The following BASP1 variants were observed in gnomAD, a reference collection of about 807,000 sequenced individuals.
BASP1 encodes the protein brain acid soluble protein 1.
BASP1 carries 1 observed loss-of-function variant against 2.2 expected under a neutral mutation model. The ratio of observed to expected loss-of-function variants is 0.46; its 90% CI spans 0.16 to 2.17. The LOEUF is 2.17. Ranked by LOEUF, BASP1 falls within the 30% of genes most tolerant of loss-of-function variation. BASP1 has a pLI of 0.27. For missense variants in BASP1, 352 were observed against 327.2 expected (o/e 1.08, Z -0.58); for synonymous variants, 187 against 154.2 (o/e 1.21, Z -1.58).
intron 1 of BASP1, chr5:17,240,678 G>A (rs765280738): frequency 4.6e-5 from 7 of 152,170 alleles, no homozygotes; most frequent in Non-Finnish European, 1.0e-4. Flanking sequence ...TGCTATGCAA[G>A]AATGACAGTG....
At chr5:17,224,941 C>A (rs1326202929) in intron 1 of BASP1, among the ~76,000 whole-genome samples, 1 of 152,246 alleles carries the variant, frequency 6.6e-6, no homozygotes, top group Non-Finnish European at 1.5e-5. Flanking sequence ...ACGCAGGATC[C>A]ACTTACAGAA....
intron 1 of BASP1, among the ~76,000 whole-genome samples, chr5:17,249,088 G>C (rs145875117): frequency 1.5e-3 from 232 of 152,104 alleles, no homozygotes; most frequent in African/African-American, 5.2e-3. Context: ...TTGTATTTTG[G>C]TGGCACTATT....
In BASP1 at chr5:17,271,931, G is replaced by A. The variant is rs142470224; in HGVS notation, c.-9-3277G>A. 1.5e-3 allele frequency among the ~76,000 whole-genome samples: 228 copies of A among 152,180 alleles called. 3 individuals are homozygous for A. The East Asian group carries it at 0.028, about 18-fold the overall frequency. ...AAAATACTAAAATTAGCTGGGCATG[G>A]TGGCAGGCTCCTGTAATCTCAGCTA... On this transcript the variant is annotated intron_variant, in intron 1 of 1. Transcript: ENST00000322611.
chr5:17,231,885 G>A (rs1739638902), intron 1 of BASP1, among the ~76,000 whole-genome samples: 1 of 152,182 alleles, frequency 6.6e-6, no homozygotes, highest in South Asian at 2.1e-4. Context: ...GTTGAAGGTT[G>A]TCTACAGTAC....
intron 1 of BASP1, among the ~76,000 whole-genome samples, chr5:17,272,506 A>G (rs199843907): frequency 4.2e-5 from 2 of 47,480 alleles, no homozygotes; most frequent in Non-Finnish European, 1.0e-4. Flanking sequence ...TTTATGTAAT[A>G]TATTTATGAG....
At chr5:17,267,197 G>T (rs1038788856) in intron 1 of BASP1, among the ~76,000 whole-genome samples, 1 of 152,200 alleles carries the variant, frequency 6.6e-6, no homozygotes, top group Non-Finnish European at 1.5e-5. Context: ...CAAAGAGATT[G>T]GGTCTTGCAA....
intron 1 of BASP1, among the ~76,000 whole-genome samples, chr5:17,248,808 T>C (rs1029754441): frequency 6.6e-6 from 1 of 152,212 alleles, no homozygotes; most frequent in Admixed American, 6.5e-5. Context: ...ACTGCAGTTG[T>C]GCTTGTTGAT....
rs70943882 is a variant in BASP1 at position 17,266,814 on chromosome 5, C to CAAAAA, written c.-9-8373_-9-8369dup. ...GCGACAGAGCAGCAAGATCCTGTCT[C>CAAAAA]AAAAAAAAAAAAAAAAAAAAAAAAA... On this transcript the variant is annotated intron_variant, in intron 1 of 1. Transcript: ENST00000322611. Among the ~76,000 whole-genome samples, 937 of 111,362 alleles carry CAAAAA rather than the reference C, an allele frequency of 8.4e-3. 35 individuals are homozygous for CAAAAA. The highest frequency in any genetic ancestry group is 0.033 in the African/African-American group (856 of 26,160). The allele number at this position is 111,362 out of a possible 152,430, so 73.1% of individuals were successfully genotyped here.
intron 1 of BASP1, among the ~76,000 whole-genome samples, chr5:17,263,113 C>T (rs1317161379): frequency 6.6e-6 from 1 of 152,216 alleles, no homozygotes; most frequent in Non-Finnish European, 1.5e-5. Flanking sequence ...TCTCAAAGTG[C>T]TGGGATTACA....
rs904709933 is a variant in BASP1 at position 17,251,285 on chromosome 5, G to A, written c.-9-23923G>A. Among the ~76,000 whole-genome samples the A allele has an allele frequency of 1.3e-5, 2 of 151,936 alleles. No individual in the cohort carries two copies. Among genetic ancestry groups the A allele is most frequent in the Admixed American group, 6.6e-5 (1 of 15,248 alleles). ...GTATACAAGTATCAAAATATCACAT[G>A]TACCCCCAAAATACATAAAATGGTT... On this transcript the variant is annotated intron_variant, in intron 1 of 1. Coordinates refer to ENST00000322611, the MANE Select transcript of BASP1 (RefSeq NM_006317.5). The surrounding 1 kb of genome is among the most constrained non-coding windows in gnomAD (Gnocchi z 4.0).
chr5:17,234,669 G>A (rs558510830), intron 1 of BASP1, among the ~76,000 whole-genome samples: 26 of 152,286 alleles, frequency 1.7e-4, no homozygotes, highest in African/African-American at 3.1e-4. Flanking sequence ...GTTGGGAGAC[G>A]CATCTCCTTT....
intron 1 of BASP1, among the ~76,000 whole-genome samples, chr5:17,268,845 G>A (rs1293951265): frequency 6.6e-6 from 1 of 152,080 alleles, no homozygotes; most frequent in Non-Finnish European, 1.5e-5. Flanking sequence ...GAGTTTACTG[G>A]TTTTTCTTTT....
intron 1 of BASP1, among the ~76,000 whole-genome samples, chr5:17,254,508 C>G (rs759672388): frequency 6.6e-6 from 1 of 152,154 alleles, no homozygotes; most frequent in Non-Finnish European, 1.5e-5. Flanking sequence ...AAATGCAGTT[C>G]TGTCACTTTC....
intron 1 of BASP1, among the ~76,000 whole-genome samples, chr5:17,221,061 A>G (rs572847631): frequency 6.6e-6 from 1 of 152,356 alleles, no homozygotes; most frequent in Non-Finnish European, 1.5e-5. Context: ...AATCTTATGA[A>G]TAACTTGAAA....
chr5:17,271,517 T>A (rs10072712), intron 1 of BASP1, among the ~76,000 whole-genome samples: 9,916 of 152,264 alleles, frequency 0.065, 387 homozygotes, highest in African/African-American at 0.09. Flanking sequence ...AGAACTGAGG[T>A]CAGTGCCTTC....
rs1330511065 is a variant in BASP1, at chr5:17,275,645, G to A, written c.429G>A (p.Lys143=). 8 of 1,527,034 alleles carry A rather than the reference G, an allele frequency of 5.2e-6. No individual in the cohort carries two copies. Among genetic ancestry groups the A allele is most frequent in the Non-Finnish European group, 2.6e-6 (3 of 1,138,794 alleles). 94.6% of individuals were successfully genotyped at this position (1,527,034 alleles called of 1,614,324 possible). A position where few individuals can be genotyped will look rare whatever the true frequency, so the allele number is the denominator to read the frequency against. The part of the protein sequence containing the change: ...AAPAAGEEPS[K]EEGEPKKTEA... ...CTGCCGCCGGGGAGGAGCCCAGCAAGGAGGAAGGGGAACCCAAAAAGACTG... is the reference window on the plus strand; with the variant it reads ...CTGCCGCCGGGGAGGAGCCCAGCAAAGAGGAAGGGGAACCCAAAAAGACTG... Residue 143 remains lysine, a synonymous_variant, in exon 2 of 2, where the codon AAG becomes AAA. Coordinates refer to ENST00000322611, the MANE Select transcript of BASP1 (RefSeq NM_006317.5). This position sits in a 1 kb window ranked among gnomAD's most constrained non-coding sequence, Gnocchi z 5.3.
At position 17,236,110 on chromosome 5, in the gene BASP1, A is replaced by G. The variant is rs1010758556; in HGVS notation, c.-10+18300A>G. Reference sequence around the variant, plus strand: ...CAAGACAATTCTTCCAGTGTGGCCCAGGGAAGCCAAAAGATTGGACACCCC... The same window carrying G: ...CAAGACAATTCTTCCAGTGTGGCCCGGGGAAGCCAAAAGATTGGACACCCC... On this transcript the variant is annotated intron_variant, in intron 1 of 1. Coordinates refer to ENST00000322611, the MANE Select transcript of BASP1 (RefSeq NM_006317.5). The surrounding 1 kb of genome is among the most constrained non-coding windows in gnomAD (Gnocchi z 4.0). 1.3e-5 allele frequency among the ~76,000 whole-genome samples: 2 copies of G among 152,144 alleles called. No individual in the cohort carries two copies.
At chr5:17,274,106 T>C (rs1371251121) in intron 1 of BASP1, among the ~76,000 whole-genome samples, 5 of 152,202 alleles carry the variant, frequency 3.3e-5, no homozygotes, top group Non-Finnish European at 5.9e-5. Flanking sequence ...AAGATTCAAA[T>C]ACAAATGGAG....
At chr5:17,243,186 T>C (rs1433411721) in intron 1 of BASP1, among the ~76,000 whole-genome samples, 1 of 151,704 alleles carries the variant, frequency 6.6e-6, no homozygotes, top group Admixed American at 6.6e-5. Context: ...TCTCATTCTG[T>C]CGCCCAGGCT....
Sources: gnomAD v4.1 joint callset for allele counts (sites outside exome capture counted in the v4.1 genomes callset) on GRCh38, gnomAD v4.1.1 for gene constraint, Gnocchi (gnomAD v3.1) non-coding constraint, MANE v1.5 for transcripts, NCBI Gene and HGNC (gene_info 2026-07-23, HGNC 2026-07-21) for gene names.